Variants in LNPK observed in about 807,000 individuals in gnomAD.
LNPK encodes the protein endoplasmic reticulum junction formation protein lunapark.
Under a neutral mutation model 55.2 loss-of-function variants are expected in LNPK, and 29 were observed. The observed-to-expected ratio is 0.53, with a 90% CI of 0.39 to 0.72. The LOEUF is 0.72. Ranked by LOEUF, LNPK falls within the 30% of genes least tolerant of loss-of-function variation. LNPK has a pLI of 0.00. For synonymous variants in LNPK, 162 were observed against 168.2 expected (o/e 0.96, Z 0.29); for missense variants, 467 against 494.8 (o/e 0.94, Z 0.53).
At chr2:175,992,467 G>A (rs13390482) in intron 3 of LNPK, 49 bp from the exon 4 acceptor site, 4 of 1,174,350 alleles carry the variant, frequency 3.4e-6, no homozygotes, top group South Asian at 2.0e-5. Context: ...ACTTCATAAA[G>A]AAATTAAAAT....
intron 12 of LNPK, chr2:175,932,302 G>C (rs897940776): frequency 2.5e-6 from 1 of 393,194 alleles, no homozygotes; most frequent in African/African-American, 2.1e-5. Flanking sequence ...TTAATACAAG[G>C]AGGAGAACTA....
At chr2:175,959,268 G>C (rs1242439538) in intron 8 of LNPK, among the ~76,000 whole-genome samples, 1 of 152,184 alleles carries the variant, frequency 6.6e-6, no homozygotes, top group Non-Finnish European at 1.5e-5. Flanking sequence ...GTAATTGTCA[G>C]ATTCACCAAG....
intron 2 of LNPK, 62 bp from the exon 3 acceptor site, chr2:175,993,285 TATAATC>T: frequency 4.1e-6 from 4 of 977,980 alleles, no homozygotes; most frequent in Non-Finnish European, 4.5e-6. Context: ...TACATTTTGA[TATAATC>T]ATTAAAGAAC....
intron 4 of LNPK, among the ~76,000 whole-genome samples, chr2:175,987,006 T>G (rs1020605257): frequency 1.4e-5 from 2 of 143,010 alleles, no homozygotes; most frequent in Admixed American, 1.4e-4. Flanking sequence ...CAAAAGGAGG[T>G]GGTAAAATTA....
intron 4 of LNPK, among the ~76,000 whole-genome samples, chr2:175,980,332 T>C (rs1687112284): frequency 6.6e-6 from 1 of 152,144 alleles, no homozygotes; most frequent in South Asian, 2.1e-4. Context: ...TATTTAACAA[T>C]AGAGGGACAG....
At chr2:175,932,943 C>T (rs1006966354) in intron 12 of LNPK, among the ~76,000 whole-genome samples, 1 of 151,950 alleles carries the variant, frequency 6.6e-6, no homozygotes, top group Non-Finnish European at 1.5e-5. Context: ...TTAAACAACC[C>T]TACTCTTCCC....
intron 4 of LNPK, among the ~76,000 whole-genome samples, chr2:175,988,512 CAAAAA>C (rs575414400): frequency 5.1e-5 from 3 of 58,730 alleles, no homozygotes; most frequent in Admixed American, 1.7e-4. Flanking sequence ...ACTCTGTCTC[CAAAAA>C]AAAAAAAAAA....
intron 9 of LNPK, among the ~76,000 whole-genome samples, chr2:175,944,622 G>A (rs1685031769): frequency 6.6e-6 from 1 of 152,056 alleles, no homozygotes; most frequent in African/African-American, 2.4e-5. Flanking sequence ...AGGTTTACAT[G>A]GAGACTTCAT....
chr2:175,993,071 T>G (rs2105722775), intron 3 of LNPK, 111 bp downstream of exon 3: 1 of 652,806 alleles, frequency 1.5e-6, no homozygotes, highest in South Asian at 2.2e-5. Context: ...ACTCACTCTA[T>G]ATCATTTCTA....
intron 2 of LNPK, 38 bp downstream of exon 2, chr2:175,995,520 T>C: frequency 6.5e-7 from 1 of 1,537,826 alleles, no homozygotes; most frequent in Non-Finnish European, 8.9e-7. Flanking sequence ...CACTTTTATA[T>C]TAGACTCAAG....
At chr2:175,963,490 A>G (rs965363103) in intron 8 of LNPK, among the ~76,000 whole-genome samples, 2 of 152,080 alleles carry the variant, frequency 1.3e-5, no homozygotes, top group Non-Finnish European at 1.5e-5. Context: ...TCACTCATAG[A>G]TGGGAATTGA....
rs1687747198 is a variant in LNPK, at chr2:175,992,416, T to A, written c.72A>T (p.Glu24Asp). The A allele has an allele frequency of 1.3e-6, 2 of 1,496,904 alleles. No homozygotes were observed. The highest frequency in any genetic ancestry group is 5.1e-5 in the East Asian group (2 of 38,938). 92.7% of individuals were successfully genotyped at this position (1,496,904 alleles called of 1,614,324 possible). The change falls in exon 4 of 13, where the codon GAA (glutamate) becomes GAT (aspartate). Residue 24 changes from glutamate to aspartate, a missense_variant and splice_region_variant. Transcript: ENST00000272748. Reference protein sequence around the residue: ...TVEVLESIDKEIQALEEFREK... With the variant: ...TVEVLESIDKDIQALEEFREK... ...CCCTAAATTCTTCCAATGCTTGAAT[T>A]TCCTGTTAAGAGAAAATTATTCCAT...
At chr2:175,976,691 T>A (rs1115501) in intron 5 of LNPK, among the ~76,000 whole-genome samples, 11,938 of 152,240 alleles carry the variant, frequency 0.078, 493 homozygotes, top group South Asian at 0.096. Context: ...GACATCTATC[T>A]TTTCCTGCCT....
At chr2:175,990,473 C>A (rs1462969664) in intron 4 of LNPK, among the ~76,000 whole-genome samples, 2 of 152,114 alleles carry the variant, frequency 1.3e-5, no homozygotes, top group Admixed American at 1.3e-4. Flanking sequence ...GCCAAATAAA[C>A]CTCATTTCTT....
chr2:175,957,580 T>C (rs1417703624), intron 8 of LNPK, among the ~76,000 whole-genome samples: 1 of 151,944 alleles, frequency 6.6e-6, no homozygotes, highest in Non-Finnish European at 1.5e-5. Flanking sequence ...TGGATACTAT[T>C]GCAGATCATT....
intron 2 of LNPK, chr2:175,994,031 G>A (rs1318915982): frequency 4.0e-6 from 1 of 248,268 alleles, no homozygotes; most frequent in Non-Finnish European, 6.4e-6. Context: ...GGACATCTAA[G>A]AATACTTCAT....
At chr2:175,953,086 TTC>T (rs1238724735) in intron 8 of LNPK, among the ~76,000 whole-genome samples, 1 of 152,082 alleles carries the variant, frequency 6.6e-6, no homozygotes, top group Non-Finnish European at 1.5e-5. Context: ...AATGCCCATA[TTC>T]TCTGTGTTAT....
In LNPK at chr2:175,937,531, A is replaced by T. The variant is rs1457496360; in HGVS notation, c.884-17T>A. The T allele has an allele frequency of 6.3e-7, 1 of 1,594,666 alleles. No individual in the cohort carries two copies. Among genetic ancestry groups the T allele is most frequent in the Non-Finnish European group, 8.5e-7 (1 of 1,169,766 alleles). ...ATCGAAAAGCTGCAGAGAATTTTTT[A>T]AAAATAAGCAAAACCACAAACCAAG... On this transcript the variant is annotated splice_polypyrimidine_tract_variant and intron_variant, in intron 11 of 12. Coordinates refer to ENST00000272748, the MANE Select transcript of LNPK (RefSeq NM_030650.3).
chr2:175,931,937 T>C (rs909354203), intron 12 of LNPK, among the ~76,000 whole-genome samples: 14 of 152,310 alleles, frequency 9.2e-5, no homozygotes, highest in Admixed American at 2.0e-4. Flanking sequence ...ATGTTAAGCG[T>C]CATGGTTTTC....
Sources: allele counts gnomAD v4.1 joint callset (sites outside exome capture counted in the v4.1 genomes callset), GRCh38; gene constraint gnomAD v4.1.1; transcripts MANE v1.5; gene names NCBI Gene and HGNC (gene_info 2026-07-23, HGNC 2026-07-21).